ITGA9: variants seen among roughly 807,000 people sequenced by gnomAD.
ITGA9 encodes integrin alpha-9.
ITGA9 carries 56 observed loss-of-function variants against 127.8 expected under a neutral mutation model. The ratio of observed to expected loss-of-function variants is 0.44; its 90% CI spans 0.35 to 0.55. ITGA9 has a LOEUF of 0.55. Among genes scored for constraint, ITGA9 ranks in the 20% least tolerant of loss-of-function variants. ITGA9 has a pLI of 0.00. For missense variants in ITGA9, 1,196 were observed against 1,347.1 expected (o/e 0.89, Z 1.76); for synonymous variants, 508 against 514.5 (o/e 0.99, Z 0.17).
At chr3:37,640,735 C>T (rs1700324317) in intron 16 of ITGA9, among the ~76,000 whole-genome samples, 1 of 152,332 alleles carries the variant, frequency 6.6e-6, no homozygotes, top group African/African-American at 2.4e-5. Flanking sequence ...CCTCCCTGGG[C>T]TCTCTGGGGA....
At chr3:37,662,784 G>A (rs545598407) in intron 17 of ITGA9, among the ~76,000 whole-genome samples, 12 of 152,302 alleles carry the variant, frequency 7.9e-5, no homozygotes, top group Admixed American at 4.6e-4. Context: ...ACGAAAAGTC[G>A]AAGCAAAGGG....
chr3:37,661,107 G>C (rs536768963), intron 17 of ITGA9, among the ~76,000 whole-genome samples: 1 of 152,326 alleles, frequency 6.6e-6, no homozygotes, highest in Admixed American at 6.5e-5. Flanking sequence ...TGAGTATAAG[G>C]AGGAGGTGAA....
intron 20 of ITGA9, among the ~76,000 whole-genome samples, chr3:37,738,361 C>T (rs1348246806): frequency 6.6e-6 from 1 of 152,214 alleles, no homozygotes; most frequent in Non-Finnish European, 1.5e-5. Context: ...AGCCCTGTTA[C>T]ACCTGTGTAG....
intron 14 of ITGA9, among the ~76,000 whole-genome samples, chr3:37,534,001 G>A (rs577698859): frequency 6.6e-6 from 1 of 152,300 alleles, no homozygotes; most frequent in African/African-American, 2.4e-5. Flanking sequence ...GAATTGAAAA[G>A]AGGCAGGCAT....
chr3:37,456,507 C>G (rs1223657697), intron 1 of ITGA9, among the ~76,000 whole-genome samples: 1 of 152,176 alleles, frequency 6.6e-6, no homozygotes, highest in Non-Finnish European at 1.5e-5. Flanking sequence ...GCCTCCAGAG[C>G]GGACGTCTTT....
At chr3:37,769,659 A>G (rs572579690) in intron 23 of ITGA9, among the ~76,000 whole-genome samples, 4 of 152,196 alleles carry the variant, frequency 2.6e-5, no homozygotes, top group South Asian at 4.2e-4. Flanking sequence ...TTGCCCCTCT[A>G]TGCTTTTGCA....
intron 15 of ITGA9, among the ~76,000 whole-genome samples, chr3:37,618,229 C>T (rs1700093725): frequency 6.6e-6 from 1 of 152,212 alleles, no homozygotes; most frequent in Admixed American, 6.5e-5. Flanking sequence ...GAGGTCCACT[C>T]CAGACCCTGT....
intron 20 of ITGA9, among the ~76,000 whole-genome samples, chr3:37,741,240 C>T (rs983127117): frequency 6.6e-6 from 1 of 152,230 alleles, no homozygotes; most frequent in African/African-American, 2.4e-5. Flanking sequence ...AGCCCACTCA[C>T]TTGCCTGACA....
At chr3:37,704,427 A>G (rs1302708889) in intron 18 of ITGA9, among the ~76,000 whole-genome samples, 1 of 152,196 alleles carries the variant, frequency 6.6e-6, no homozygotes, top group Non-Finnish European at 1.5e-5. Context: ...AAATAAAAGG[A>G]AGAGCACCTA....
At chr3:37,609,776 T>C (rs1168748525) in intron 15 of ITGA9, among the ~76,000 whole-genome samples, 2 of 152,198 alleles carry the variant, frequency 1.3e-5, no homozygotes, top group African/African-American at 4.8e-5. Context: ...AATCCATGTC[T>C]AAGCTTCTTC....
intron 27 of ITGA9, among the ~76,000 whole-genome samples, chr3:37,817,946 A>C (rs1388982998): frequency 6.6e-6 from 1 of 152,156 alleles, no homozygotes; most frequent in Non-Finnish European, 1.5e-5. Flanking sequence ...GACAGCACAA[A>C]TTCCATGGGT....
rs548539754 is a variant in ITGA9, at chr3:37,530,901, G to A, written c.1374-2413G>A. On this transcript the variant is annotated intron_variant, in intron 13 of 27. Coordinates refer to ENST00000264741, the MANE Select transcript of ITGA9 (RefSeq NM_002207.3). ...CAAGTAGCTGGGACTACAGGTGCCC[G>A]CCACCACACCCAGCTAATTTTTTGT... Among the ~76,000 whole-genome samples, 10 of 151,732 alleles carry A rather than the reference G, an allele frequency of 6.6e-5. No individual in the cohort carries two copies. In the South Asian group the frequency reaches 1.0e-3, roughly 16 times the overall value.
At chr3:37,640,533 G>C (rs1042783761) in intron 16 of ITGA9, among the ~76,000 whole-genome samples, 1 of 152,168 alleles carries the variant, frequency 6.6e-6, no homozygotes, top group Non-Finnish European at 1.5e-5. Flanking sequence ...GTCCAGACCA[G>C]CTGACACCTT....
chr3:37,611,760 A>C (rs1380129134), intron 15 of ITGA9, among the ~76,000 whole-genome samples: 1 of 152,086 alleles, frequency 6.6e-6, no homozygotes, highest in Non-Finnish European at 1.5e-5. Flanking sequence ...GAAGCTTCTC[A>C]GCTTTCTGGA....
chr3:37,666,816 C>T (rs768625049), intron 17 of ITGA9, among the ~76,000 whole-genome samples: 16 of 152,196 alleles, frequency 1.1e-4, no homozygotes, highest in Non-Finnish European at 1.9e-4. Context: ...AGTGCATCAT[C>T]CCCTGCTCCC....
At chr3:37,553,851 C>A (rs1232708654) in intron 15 of ITGA9, among the ~76,000 whole-genome samples, 3 of 152,180 alleles carry the variant, frequency 2.0e-5, no homozygotes, top group African/African-American at 7.2e-5. Context: ...ACAGAGGTAT[C>A]AGACAGGAAT....
chr3:37,683,794 C>T, intron 17 of ITGA9, 71 bp from the exon 18 acceptor site: 1 of 1,524,954 alleles, frequency 6.6e-7, no homozygotes, highest in Non-Finnish European at 9.0e-7. Context: ...CCACCTTCAA[C>T]TACCCCCTGT....
intron 23 of ITGA9, 99 bp from the exon 24 acceptor site, chr3:37,777,293 A>C (rs1696919864): frequency 1.5e-6 from 2 of 1,342,282 alleles, no homozygotes; most frequent in Non-Finnish European, 2.1e-6. Flanking sequence ...AGGAAAGGTG[A>C]ATTGGGGTTC....
In ITGA9 at chr3:37,470,140, GTT is replaced by G. The variant is rs71288094; in HGVS notation, c.186-851_186-850del. On this transcript the variant is annotated intron_variant, in intron 1 of 27. Transcript: ENST00000264741. ...CTGATGGGCCTTTAGGTTTCTTCTT[GTT>G]TTTTTTTTTTTTTTTGATATTACAT... is the stretch of plus-strand genomic sequence containing the variant. 6.3e-4 allele frequency among the ~76,000 whole-genome samples: 84 copies of G among 133,070 alleles called. 2 individuals are homozygous for G. In the South Asian group the frequency reaches 0.018, roughly 29 times the overall value. The allele number at this position is 133,070 out of a possible 152,430, so 87.3% of individuals were successfully genotyped here. A position where few individuals can be genotyped will look rare whatever the true frequency, so the allele number is the denominator to read the frequency against.
Sources: gnomAD v4.1 joint callset for allele counts (sites outside exome capture counted in the v4.1 genomes callset) on GRCh38, gnomAD v4.1.1 for gene constraint, MANE v1.5 for transcripts, NCBI Gene and HGNC (gene_info 2026-07-23, HGNC 2026-07-21) for gene names.